The following KRT34 variants were observed in gnomAD, a reference collection of about 807,000 sequenced individuals.
The protein encoded by KRT34 is keratin 34.
Under a neutral mutation model 41.7 loss-of-function variants are expected in KRT34, and 31 were observed. That is an observed-to-expected ratio of 0.74 (90% CI 0.56 to 1.00). KRT34 has a LOEUF of 1.00. KRT34 is among the 50% of genes least tolerant of loss of function. The pLI is 0.00. For missense variants in KRT34, 523 were observed against 500.3 expected, an observed-to-expected ratio of 1.05 and a Z score of -0.43; for synonymous variants, 224 against 212.9, an observed-to-expected ratio of 1.05 and a Z score of -0.45.
At position 41,381,629 on chromosome 17, in the gene KRT34, A is replaced by G. The variant is rs1168785348; in HGVS notation, c.431+84T>C. ...ACCAGCCCTAGGAGGAGAAATAGAG[A>G]GAAATGGCTTTCTCCTCTCTTCCAG... On this transcript the variant is annotated intron_variant, in intron 2 of 6. Transcript: ENST00000394001. The G allele has an allele frequency of 1.4e-5, 17 of 1,201,736 alleles. No individual in the cohort carries two copies. In the Admixed American group the frequency reaches 3.5e-4, roughly 25 times the overall value. 74.4% of individuals were successfully genotyped at this position (1,201,736 alleles called of 1,614,324 possible). A position where few individuals can be genotyped will look rare whatever the true frequency, so the allele number is the denominator to read the frequency against.
upstream of KRT34, chr17:41,382,504 G>T: frequency 1.3e-6 from 1 of 769,760 alleles, no homozygotes; most frequent in Non-Finnish European, 2.0e-6. Context: ...CTGGGTGCTA[G>T]TGGTTGGTGA....
In KRT34 at chr17:41,381,209, G is replaced by T; in HGVS notation, c.435C>A (p.Tyr145Ter). The stretch of plus-strand genomic sequence containing the variant: ...ACAGCCTCAGGGACTGCTCCGTCTG[G>T]TACCTGCACGTGTCGGAGTGGGAGG... ...KLASDDFRSK[Y>*]QTEQSLRLLV... The change falls in exon 3 of 7, where the codon TAC (tyrosine) becomes TAA (stop). Residue 145 changes from tyrosine to a stop codon, truncating the protein, a stop_gained. Coordinates refer to ENST00000394001, the MANE Select transcript of KRT34 (RefSeq NM_001386014.1). LOFTEE classifies it high-confidence loss of function. 2 of 1,612,882 alleles carry T rather than the reference G, an allele frequency of 1.2e-6. No individual in the cohort carries two copies. The highest frequency in any genetic ancestry group is 1.7e-6 in the Non-Finnish European group (2 of 1,179,314).
chr17:41,381,863 G>A (rs756210024), intron 1 of KRT34, 36 bp downstream of exon 1: 6 of 1,612,970 alleles, frequency 3.7e-6, no homozygotes, highest in East Asian at 4.5e-5. Flanking sequence ...AAGAGAGCCA[G>A]CTGCTGCTGG....
chr17:41,378,989 G>C lies in KRT34; in HGVS notation c.1064C>G (p.Thr355Arg), dbSNP rs748114147. The change falls in exon 6 of 7, where the codon ACG (threonine) becomes AGG (arginine). Residue 355 changes from threonine (T) to arginine (R), a missense_variant. Coordinates refer to ENST00000394001, the MANE Select transcript of KRT34 (RefSeq NM_001386014.1). Reference sequence around the variant, plus strand: ...CTCACTCTCCAGGAGGCTCCGGTACGTGTTGATCTCACACTCCAGCCGGGC... The same window carrying C: ...CTCACTCTCCAGGAGGCTCCGGTACCTGTTGATCTCACACTCCAGCCGGGC... ...VRARLECEIN[T>R]YRSLLESEDC... 3.1e-6 allele frequency: 5 copies of C among 1,614,222 alleles called. No homozygotes were observed. Among genetic ancestry groups the C allele is most frequent in the Admixed American group, 1.7e-5 (1 of 60,032 alleles).
chr17:41,382,442 C>A, upstream of KRT34: 1 of 1,238,360 alleles, frequency 8.1e-7, no homozygotes, highest in Non-Finnish European at 1.1e-6. Flanking sequence ...TAAAGAGTCC[C>A]CCCTCAACCC....
rs77779192 is a variant in KRT34 at position 41,379,472 on chromosome 17, C to G, written c.757G>C (p.Glu253Gln). 3.6e-5 allele frequency: 58 copies of G among 1,614,124 alleles called. No individual in the cohort carries two copies. Among genetic ancestry groups the G allele is most frequent in the Admixed American group, 1.7e-5 (1 of 60,010 alleles). ...CTGGATACCACCTGCTTGTTCAGCT[C>G]CTCGGTCTGAAACACCCAAGTGGGG... Reference protein sequence around the residue: ...VEQWFATQTEELNKQVVSSSE... With the variant: ...VEQWFATQTEQLNKQVVSSSE... Residue 253 changes from glutamate (E) to glutamine (Q), a missense_variant, in exon 5 of 7, where the codon GAG (glutamate) becomes CAG (glutamine). Physicochemically the swap from Glu to Gln is conservative, Grantham distance 29 (BLOSUM62 2). Coordinates refer to ENST00000394001, the MANE Select transcript of KRT34 (RefSeq NM_001386014.1).
chr17:41,379,298 G>A (rs947575581), intron 5 of KRT34, 55 bp downstream of exon 5: 41 of 1,611,614 alleles, frequency 2.5e-5, no homozygotes, highest in Middle Eastern at 1.8e-4. Context: ...GCACATCCCC[G>A]GGACTCTGCC....
In KRT34 at chr17:41,379,625, T is replaced by A. The variant is rs1308808478; in HGVS notation, c.695A>T (p.Tyr232Phe). The change falls in exon 4 of 7, where the codon TAT (tyrosine) becomes TTT (phenylalanine). Residue 232 changes from tyrosine (Y) to phenylalanine (F), a missense_variant. Physicochemically the swap from Tyr to Phe is conservative, Grantham distance 22. Coordinates refer to ENST00000394001, the MANE Select transcript of KRT34 (RefSeq NM_001386014.1). ...NQVLNETRSQ[Y>F]EALVEINRRE... ...GCGGTTAATTTCCACCAGAGCCTCA[T>A]ACTGACTCCTGGTCTCGTTCAGGAC... 1 of 1,614,140 alleles carries A rather than the reference T, an allele frequency of 6.2e-7. No homozygotes were observed. The highest frequency in any genetic ancestry group is 2.2e-5 in the East Asian group (1 of 44,880).
chr17:41,382,275 G>C lies in KRT34; in HGVS notation c.-29C>G, dbSNP rs763890335. 1 of 1,613,150 alleles carries C rather than the reference G, an allele frequency of 6.2e-7. No homozygotes were observed. The highest frequency in any genetic ancestry group is 1.7e-5 in the Admixed American group (1 of 60,034). ...GCTGGAACAGGTAATGGAAAAGCAG[G>C]TAAGCTGCTGGAGGTGGATGTGGGC... is the stretch of plus-strand genomic sequence containing the variant. On this transcript the variant is annotated 5_prime_UTR_variant, in exon 1 of 7. Coordinates refer to ENST00000394001, the MANE Select transcript of KRT34 (RefSeq NM_001386014.1).
At chr17:41,380,792 C>T (rs2017963306) in intron 3 of KRT34, among the ~76,000 whole-genome samples, 1 of 152,152 alleles carries the variant, frequency 6.6e-6, no homozygotes. Context: ...AAATTCAGGA[C>T]CTAGCAGTGA....
chr17:41,380,949 T>A, intron 3 of KRT34, 107 bp downstream of exon 3: 1 of 1,059,516 alleles, frequency 9.4e-7, no homozygotes, highest in Non-Finnish European at 1.5e-6. Flanking sequence ...ACATCTTGAG[T>A]TCCTCAGAGA....
chr17:41,379,476 G>A lies in KRT34; in HGVS notation c.753C>T (p.Thr251=), dbSNP rs758212936. Residue 251 remains threonine (T), a splice_region_variant and synonymous_variant, in exon 5 of 7, where the codon ACC becomes ACT. Transcript: ENST00000394001. ...ATACCACCTGCTTGTTCAGCTCCTC[G>A]GTCTGAAACACCCAAGTGGGGAAAG... is the stretch of plus-strand genomic sequence containing the variant. ...REVEQWFATQ[T]EELNKQVVSS... is the part of the protein sequence containing the mutation. 73 of 1,614,070 alleles carry A rather than the reference G, an allele frequency of 4.5e-5. No individual in the cohort carries two copies. Among genetic ancestry groups the A allele is most frequent in the East Asian group, 1.6e-4 (7 of 44,886 alleles).
intron 6 of KRT34, 22 bp from the exon 7 acceptor site, chr17:41,378,168 G>C: frequency 6.4e-7 from 1 of 1,569,598 alleles, no homozygotes; most frequent in South Asian, 1.1e-5. Flanking sequence ...AGGAGGTTTA[G>C]AATGGCTTTA....
chr17:41,380,618 A>G (rs1020153662), intron 3 of KRT34, among the ~76,000 whole-genome samples: 1 of 152,096 alleles, frequency 6.6e-6, no homozygotes. Context: ...GGCAGCCTGG[A>G]TTATTTCTAG....
rs2017987126 is a variant in KRT34 at position 41,381,657 on chromosome 17, A to T, written c.431+56T>A. 6.9e-6 allele frequency: 10 copies of T among 1,441,344 alleles called. No individual in the cohort carries two copies. The South Asian group carries it at 1.1e-4, about 15-fold the overall frequency. 89.3% of individuals were successfully genotyped at this position (1,441,344 alleles called of 1,614,324 possible). On this transcript the variant is annotated intron_variant, in intron 2 of 6. Coordinates refer to ENST00000394001, the MANE Select transcript of KRT34 (RefSeq NM_001386014.1). ...AATGGCTTTCTCCTCTCTTCCAGGC[A>T]ATAGTAGGTCCCTAGGGCCATGAAA...
At chr17:41,378,332 G>T (rs1184645307) in intron 6 of KRT34, among the ~76,000 whole-genome samples, 186 bp from the exon 7 acceptor site, 2 of 152,170 alleles carry the variant, frequency 1.3e-5, no homozygotes, top group Non-Finnish European at 2.9e-5. Context: ...GGAGTGCAGT[G>T]GTGCGATCTT....
chr17:41,382,329 C>G, upstream of KRT34: 1 of 1,613,310 alleles, frequency 6.2e-7, no homozygotes, highest in Non-Finnish European at 8.5e-7. Context: ...CCTCTGCAGT[C>G]CTTTTATACC....
intron 6 of KRT34, among the ~76,000 whole-genome samples, 174 bp downstream of exon 6, chr17:41,378,782 T>C (rs1319308017): frequency 6.6e-6 from 1 of 152,240 alleles, no homozygotes; most frequent in African/African-American, 2.4e-5. Context: ...CCCCCTGAGA[T>C]AGGGGCTGTT....
In KRT34 at chr17:41,382,040, G is replaced by C. The variant is rs1323868914; in HGVS notation, c.207C>G (p.Ser69Arg). ...CCAGCTGACGCACCTTCTCCAGGTAGCTGGCCAGGCGGTCGTTCAGGAACT... is the reference window on the plus strand; with the variant it reads ...CCAGCTGACGCACCTTCTCCAGGTACCTGGCCAGGCGGTCGTTCAGGAACT... ...TMQFLNDRLA[S>R]YLEKVRQLER... Residue 69 changes from serine (S) to arginine (R), a missense_variant, in exon 1 of 7, where the codon AGC becomes AGG. Transcript: ENST00000394001. 1 of 1,613,974 alleles carries C rather than the reference G, an allele frequency of 6.2e-7. No homozygotes were observed. Among genetic ancestry groups the C allele is most frequent in the Non-Finnish European group, 8.5e-7 (1 of 1,180,056 alleles).
Sources: gnomAD v4.1 joint callset for allele counts (sites outside exome capture counted in the v4.1 genomes callset) on GRCh38, gnomAD v4.1.1 for gene constraint, MANE v1.5 for transcripts, NCBI Gene and HGNC (gene_info 2026-07-23, HGNC 2026-07-21) for gene names.